DHX30: variants seen among roughly 807,000 people sequenced by gnomAD.
The protein encoded by DHX30 is DExH-box helicase 30.
DHX30 carries 4 observed loss-of-function variants against 116.9 expected under a neutral mutation model. The observed-to-expected ratio is 0.03, with a 90% confidence interval of 0.02 to 0.08. The LOEUF (loss-of-function observed/expected upper bound fraction) is 0.08, where lower values mean the gene tolerates loss of function less well. Ranked by LOEUF, DHX30 falls within the 10% of genes least tolerant of loss-of-function variation. The pLI is 1.00. For missense variants in DHX30, 871 were observed against 1,595.1 expected, an observed-to-expected ratio of 0.55 and a Z score of 7.73; for synonymous variants, 697 against 651.7, an observed-to-expected ratio of 1.07 and a Z score of -1.06.
intron 1 of DHX30, among the ~76,000 whole-genome samples, 157 bp from the exon 2 acceptor site, chr3:47,805,167 GGT>G (rs2035460709): frequency 1.3e-5 from 2 of 152,174 alleles, no homozygotes; most frequent in African/African-American, 4.8e-5. Flanking sequence ...GCCTAGAATG[GGT>G]CATGGTAAGT....
intron 9 of DHX30, among the ~76,000 whole-genome samples, chr3:47,845,090 G>A (rs319693): frequency 2.6e-5 from 4 of 152,082 alleles, no homozygotes; most frequent in Admixed American, 6.5e-5. Flanking sequence ...GTGTTGGGGG[G>A]GCTGTAGCCA....
At chr3:47,814,294 C>T (rs866326296) in intron 3 of DHX30, among the ~76,000 whole-genome samples, 49 of 151,150 alleles carry the variant, frequency 3.2e-4, no homozygotes, top group Admixed American at 1.3e-4. Context: ...TAAAAATCAG[C>T]CGGGCATGGT....
chr3:47,833,624 C>T (rs2107066103), intron 6 of DHX30, among the ~76,000 whole-genome samples: 1 of 150,662 alleles, frequency 6.6e-6, no homozygotes, highest in African/African-American at 2.4e-5. Context: ...CTTTGGGAGT[C>T]TGAGGCTGGC....
chr3:47,817,904 C>T, intron 3 of DHX30, 118 bp from the exon 4 acceptor site: 1 of 772,266 alleles, frequency 1.3e-6, no homozygotes, highest in Non-Finnish European at 2.4e-6. Context: ...GCTCCCAGCA[C>T]TGTCCAGCAG....
chr3:47,833,881 C>A (rs1216490825), intron 6 of DHX30, among the ~76,000 whole-genome samples: 1 of 151,938 alleles, frequency 6.6e-6, no homozygotes, highest in East Asian at 1.9e-4. Flanking sequence ...AAAATGTATT[C>A]TCTTAGCAAA....
Position 47,840,960 on chromosome 3 carries a change from C to T in DHX30, c.450C>T (p.Ala150=), listed in dbSNP as rs781199901. The change falls in exon 7 of 22, where the codon GCC becomes GCT. Residue 150 remains alanine (A), a synonymous_variant. Coordinates refer to ENST00000445061, the MANE Select transcript of DHX30 (RefSeq NM_138615.3). The part of the protein sequence containing the change: ...RVLADRFGSP[A]DSWWRPEPTM... ...TAGCTGATCGCTTTGGCTCCCCTGCCGACAGCTGGTGGCGTCCGGAACCCA... is the reference window on the plus strand; with the variant it reads ...TAGCTGATCGCTTTGGCTCCCCTGCTGACAGCTGGTGGCGTCCGGAACCCA... 13 of 1,614,094 alleles carry T rather than the reference C, an allele frequency of 8.1e-6. No homozygotes were observed. Among genetic ancestry groups the T allele is most frequent in the East Asian group, 6.7e-5 (3 of 44,886 alleles).
chr3:47,821,178 A>G (rs112519927), intron 4 of DHX30, among the ~76,000 whole-genome samples: 2,532 of 151,846 alleles, frequency 0.017, 84 homozygotes, highest in African/African-American at 0.058. Context: ...CTGGTCTCCA[A>G]CTCCTGGGCT....
At chr3:47,810,766 C>T in intron 3 of DHX30, 55 bp downstream of exon 3, 1 of 1,546,350 alleles carries the variant, frequency 6.5e-7, no homozygotes, top group Non-Finnish European at 8.9e-7. Flanking sequence ...GGATGGGCAG[C>T]TCTGAGGGCT....
At chr3:47,839,235 G>T (rs954551042) in intron 6 of DHX30, among the ~76,000 whole-genome samples, 2 of 148,006 alleles carry the variant, frequency 1.4e-5, no homozygotes, top group Non-Finnish European at 3.0e-5. Context: ...AACATTTCAA[G>T]TTATTTCTCT....
chr3:47,842,483 GTTTATCACTCTGTAACCAT>G (rs1471316710), intron 8 of DHX30: 1 of 152,282 alleles, frequency 6.6e-6, no homozygotes, highest in Non-Finnish European at 1.5e-5. Context: ...CTTTTAAGTT[GTTTATCACTCTGTAACCAT>G]TTTGATTCTT....
intron 4 of DHX30, chr3:47,825,124 C>A: frequency 1.5e-6 from 1 of 674,730 alleles, no homozygotes; most frequent in Non-Finnish European, 2.7e-6. Context: ...TGCTGGGCGA[C>A]AGGGTCGCTC....
chr3:47,831,031 A>G (rs2036823934), intron 6 of DHX30: 1 of 151,768 alleles, frequency 6.6e-6, no homozygotes, highest in Non-Finnish European at 1.5e-5. Context: ...CCCTGTTGCT[A>G]TTCTGGGCCC....
intron 9 of DHX30, chr3:47,845,453 C>T (rs772925952): frequency 1.4e-5 from 4 of 293,308 alleles, no homozygotes; most frequent in Non-Finnish European, 2.4e-5. Flanking sequence ...TCCCAAAGTG[C>T]TGGGATTACA....
In DHX30 at chr3:47,846,770, G is replaced by T. The variant is rs748186255; in HGVS notation, c.1698G>T (p.Val566=). ...VIVDEVHERD[V]NTDFLLILLK... is the part of the protein sequence containing the mutation. ...TGGATGAGGTGCATGAGCGGGACGT[G>T]AACACAGACTTTCTGCTGATCCTGC... The change falls in exon 11 of 22, where the codon GTG becomes GTT. Residue 566 remains valine (V), a synonymous_variant. Transcript: ENST00000445061. 4.5e-5 allele frequency: 72 copies of T among 1,613,838 alleles called. No homozygotes were observed. Among genetic ancestry groups the T allele is most frequent in the Non-Finnish European group, 5.8e-5 (69 of 1,180,026 alleles).
chr3:47,825,344 G>T lies in DHX30; in HGVS notation c.125-2003G>T, dbSNP rs2036504399. The T allele has an allele frequency of 1.1e-5, 6 of 538,752 alleles. No homozygotes were observed. In the South Asian group the frequency reaches 1.4e-4, roughly 12 times the overall value. 33.4% of individuals were successfully genotyped at this position (538,752 alleles called of 1,614,324 possible). ...GCCGAAATCGGGCCTGGCGGCCGGG[G>T]GTCCTCTCTTCCATAGTGGCCAAGT... is the stretch of plus-strand genomic sequence containing the variant. On this transcript the variant is annotated intron_variant, in intron 4 of 21. Transcript: ENST00000445061.
chr3:47,821,663 A>T (rs1256148059), intron 4 of DHX30, among the ~76,000 whole-genome samples: 1 of 151,914 alleles, frequency 6.6e-6, no homozygotes, highest in Non-Finnish European at 1.5e-5. Context: ...CAATGGCGCA[A>T]TGTCGGCTCA....
chr3:47,821,844 C>A (rs1426494919), intron 4 of DHX30, among the ~76,000 whole-genome samples: 2 of 151,962 alleles, frequency 1.3e-5, no homozygotes, highest in East Asian at 3.9e-4. Context: ...GGTGATCCAC[C>A]CTCCTCGGCC....
chr3:47,819,333 G>A, intron 4 of DHX30: 2 of 1,332,706 alleles, frequency 1.5e-6, no homozygotes, highest in Non-Finnish European at 2.0e-6. Context: ...GGTTAACCAG[G>A]CAGTTGGCTA....
chr3:47,848,371 C>T lies in DHX30; in HGVS notation c.2478C>T (p.His826=), dbSNP rs1158369844. ...ACCTGGTGCTGCAAGCGAAAATCCACATGCCTGAGAAGACGGTGCGGCGGG... is the reference window on the plus strand; with the variant it reads ...ACCTGGTGCTGCAAGCGAAAATCCATATGCCTGAGAAGACGGTGCGGCGGG... ...LENLVLQAKI[H]MPEKTAVEFL... is the part of the protein sequence containing the mutation. The change falls in exon 15 of 22, where the codon CAC becomes CAT. Residue 826 remains histidine (H), a synonymous_variant. Transcript: ENST00000445061. This position sits in a 1 kb window ranked among gnomAD's most constrained non-coding sequence, Gnocchi z 9.4. The T allele has an allele frequency of 1.2e-6, 2 of 1,614,160 alleles. No individual in the cohort carries two copies. The highest frequency in any genetic ancestry group is 1.1e-5 in the South Asian group (1 of 91,084).
Sources: allele counts gnomAD v4.1 joint callset (sites outside exome capture counted in the v4.1 genomes callset), GRCh38; gene constraint gnomAD v4.1.1; non-coding constraint Gnocchi (gnomAD v3.1); transcripts MANE v1.5; gene names NCBI Gene and HGNC (gene_info 2026-07-23, HGNC 2026-07-21).